The following DCC variants were observed in gnomAD, a reference collection of about 807,000 sequenced individuals.
DCC encodes DCC netrin 1 receptor, also known as netrin receptor DCC.
DCC carries 58 observed loss-of-function variants against 172.5 expected under a neutral mutation model. The ratio of observed to expected loss-of-function variants is 0.34; its 90% confidence interval spans 0.27 to 0.42. DCC has a LOEUF of 0.42. DCC is among the 10% of genes least tolerant of loss of function. The pLI, the probability that DCC is intolerant of heterozygous loss-of-function variation, is 1.00. For missense variants in DCC, 1,740 were observed against 1,791.0 expected, an observed-to-expected ratio of 0.97 and a Z score of 0.51; for synonymous variants, 709 against 644.5, an observed-to-expected ratio of 1.10 and a Z score of -1.52.
intron 1 of DCC, among the ~76,000 whole-genome samples, chr18:52,689,263 T>G (rs1489882929): frequency 6.6e-6 from 1 of 152,124 alleles, no homozygotes; most frequent in Non-Finnish European, 1.5e-5. Flanking sequence ...AAGTGCTAAT[T>G]TGCTGTAGAA....
intron 1 of DCC, among the ~76,000 whole-genome samples, chr18:52,466,998 C>T (rs1478856639): frequency 6.6e-6 from 1 of 151,706 alleles, no homozygotes; most frequent in East Asian, 1.9e-4. Flanking sequence ...GCCCATGTTC[C>T]AAATCACTCT....
chr18:53,417,156 A>G (rs1254890678), intron 21 of DCC, among the ~76,000 whole-genome samples: 1 of 152,212 alleles, frequency 6.6e-6, no homozygotes, highest in Non-Finnish European at 1.5e-5. Context: ...TTCAACAGGA[A>G]TACTTTTTAA....
At chr18:52,951,922 T>C (rs1243607823) in intron 5 of DCC, among the ~76,000 whole-genome samples, 2 of 152,164 alleles carry the variant, frequency 1.3e-5, no homozygotes, top group African/African-American at 2.4e-5. Context: ...TTGCAGTGAA[T>C]TGTTCAAGGA....
chr18:53,367,657 C>T (rs1269851923), intron 15 of DCC, among the ~76,000 whole-genome samples: 2 of 152,042 alleles, frequency 1.3e-5, no homozygotes, highest in African/African-American at 2.4e-5. Flanking sequence ...AATTCTATAC[C>T]CATTAAATGA....
chr18:52,742,263 T>G (rs1214150612), intron 1 of DCC, among the ~76,000 whole-genome samples: 2 of 151,748 alleles, frequency 1.3e-5, no homozygotes, highest in Non-Finnish European at 2.9e-5. Flanking sequence ...TTCAGGTCTT[T>G]GCTCAAGTCT....
chr18:53,108,906 G>T lies in DCC; in HGVS notation c.1261+42740G>T, dbSNP rs540948126. Among the ~76,000 whole-genome samples the T allele has an allele frequency of 3.3e-5, 5 of 151,288 alleles. No homozygotes were observed. The East Asian group carries it at 5.9e-4, about 18-fold the overall frequency. Reference sequence around the variant, plus strand: ...ACATGCTTGGACATGGCTTTCCTATGCAGCAAGCACATGCCTTTCTGTTGG... The same window carrying T: ...ACATGCTTGGACATGGCTTTCCTATTCAGCAAGCACATGCCTTTCTGTTGG... On this transcript the variant is annotated intron_variant, in intron 7 of 28. Coordinates refer to ENST00000442544, the MANE Select transcript of DCC (RefSeq NM_005215.4).
chr18:52,356,195 T>G lies in DCC; in HGVS notation c.91+15317T>G, dbSNP rs934686582. ...TTACCAGTAGGGCTTTTTATAATAG[T>G]TTTAAGGAGGTCTCAGAAGCTCAGG... On this transcript the variant is annotated intron_variant, in intron 1 of 28. Transcript: ENST00000442544. Among the ~76,000 whole-genome samples the G allele has an allele frequency of 2.0e-5, 3 of 152,128 alleles. No homozygotes were observed. The South Asian group carries it at 6.2e-4, about 32-fold the overall frequency.
intron 12 of DCC, among the ~76,000 whole-genome samples, chr18:53,232,286 A>G (rs2056134274): frequency 6.6e-6 from 1 of 152,110 alleles, no homozygotes; most frequent in African/African-American, 2.4e-5. Context: ...TTGACTTGTC[A>G]TCCTCCTCTG....
chr18:52,474,099 T>C (rs1437513363), intron 1 of DCC, among the ~76,000 whole-genome samples: 1 of 152,072 alleles, frequency 6.6e-6, no homozygotes, highest in Non-Finnish European at 1.5e-5. Context: ...GGATAAATCA[T>C]ATTGAACCCT....
intron 19 of DCC, among the ~76,000 whole-genome samples, chr18:53,404,721 A>T (rs1219671455): frequency 6.7e-6 from 1 of 149,176 alleles, no homozygotes. Flanking sequence ...ACAGAGTAAG[A>T]CTCCGTCTCA....
intron 5 of DCC, among the ~76,000 whole-genome samples, chr18:52,951,327 A>G (rs1198610142): frequency 6.6e-6 from 1 of 152,112 alleles, no homozygotes; most frequent in African/African-American, 2.4e-5. Flanking sequence ...CAGGTTTGTT[A>G]CACAGGTATA....
chr18:53,110,653 C>T (rs2043316786), intron 7 of DCC, among the ~76,000 whole-genome samples: 1 of 149,574 alleles, frequency 6.7e-6, no homozygotes, highest in Non-Finnish European at 1.5e-5. Context: ...AAAAAATGCT[C>T]ACCATCACTG....
chr18:53,491,049 A>G (rs1031371300), intron 26 of DCC, among the ~76,000 whole-genome samples: 3 of 152,140 alleles, frequency 2.0e-5, no homozygotes, highest in Non-Finnish European at 4.4e-5. Flanking sequence ...GGATTTTGCT[A>G]AAGAGGGGAC....
intron 1 of DCC, among the ~76,000 whole-genome samples, chr18:52,430,552 G>A (rs923857197): frequency 6.6e-6 from 1 of 152,086 alleles, no homozygotes; most frequent in Non-Finnish European, 1.5e-5. Context: ...TGATGAATGT[G>A]CTGGGGTGCT....
intron 12 of DCC, among the ~76,000 whole-genome samples, chr18:53,230,840 A>G (rs974205723): frequency 1.3e-5 from 2 of 151,998 alleles, no homozygotes; most frequent in Non-Finnish European, 2.9e-5. Flanking sequence ...ATTTTTCTCT[A>G]TAGTTGATAG....
chr18:53,005,481 C>A (rs531969777), intron 5 of DCC, among the ~76,000 whole-genome samples: 2 of 152,284 alleles, frequency 1.3e-5, no homozygotes, highest in South Asian at 2.1e-4. Context: ...CACCTGTAAT[C>A]CCAACACTTT....
intron 1 of DCC, among the ~76,000 whole-genome samples, chr18:52,648,254 G>A (rs1340796032): frequency 6.6e-6 from 1 of 152,166 alleles, no homozygotes; most frequent in Non-Finnish European, 1.5e-5. Flanking sequence ...AACAGACTTG[G>A]TGGAGTATTT....
At chr18:53,278,346 T>C (rs2056830634) in intron 12 of DCC, among the ~76,000 whole-genome samples, 1 of 152,106 alleles carries the variant, frequency 6.6e-6, no homozygotes, top group East Asian at 1.9e-4. Context: ...CTTTGTAGGG[T>C]AACATTGACA....
chr18:52,793,075 C>G (rs1053054860), intron 2 of DCC, among the ~76,000 whole-genome samples: 1 of 152,160 alleles, frequency 6.6e-6, no homozygotes, highest in Non-Finnish European at 1.5e-5. Context: ...CAGACTGCAG[C>G]AGATTTTATA....
Sources: allele counts gnomAD v4.1 joint callset (sites outside exome capture counted in the v4.1 genomes callset), GRCh38; gene constraint gnomAD v4.1.1; transcripts MANE v1.5; gene names NCBI Gene and HGNC (gene_info 2026-07-23, HGNC 2026-07-21).